The following TBC1D4 variants were observed in gnomAD, a reference collection of about 807,000 sequenced individuals.
The protein encoded by TBC1D4 is TBC1 domain family member 4.
TBC1D4 carries 121 observed loss-of-function variants against 142.5 expected under a neutral mutation model. The ratio of observed to expected loss-of-function variants is 0.85; its 90% CI spans 0.73 to 0.99. The LOEUF is 0.99. TBC1D4 is among the 50% of genes least tolerant of loss of function. The pLI, the probability that TBC1D4 is intolerant of heterozygous loss-of-function variation, is 0.00. For synonymous variants in TBC1D4, 630 were observed against 628.2 expected (o/e 1.00, Z -0.04); for missense variants, 1,475 against 1,606.6 (o/e 0.92, Z 1.40).
intron 1 of TBC1D4, among the ~76,000 whole-genome samples, chr13:75,365,837 T>A (rs756234441): frequency 5.3e-5 from 8 of 152,178 alleles, no homozygotes; most frequent in Admixed American, 2.0e-4. Flanking sequence ...CTTGAATGAA[T>A]GCTGACAGCA....
chr13:75,310,852 T>C (rs1234875242), intron 13 of TBC1D4, among the ~76,000 whole-genome samples: 2 of 152,156 alleles, frequency 1.3e-5, no homozygotes, highest in African/African-American at 4.8e-5. Context: ...CTTCTTTGTT[T>C]CTATGTGTAC....
chr13:75,419,287 G>C (rs975816988), intron 1 of TBC1D4, among the ~76,000 whole-genome samples: 40 of 152,094 alleles, frequency 2.6e-4, no homozygotes, highest in Non-Finnish European at 5.1e-4. Context: ...CCTCTCTACC[G>C]TTCTGCCTCT....
intron 1 of TBC1D4, among the ~76,000 whole-genome samples, chr13:75,421,264 A>G (rs1886156036): frequency 2.0e-5 from 3 of 152,152 alleles, no homozygotes; most frequent in Admixed American, 6.5e-5. Context: ...CCCTTTGGCC[A>G]CGTACAATCT....
intron 1 of TBC1D4, among the ~76,000 whole-genome samples, chr13:75,419,841 G>A (rs1292984485): frequency 2.0e-5 from 3 of 152,190 alleles, no homozygotes; most frequent in African/African-American, 7.2e-5. Context: ...CTCTCATCAG[G>A]GGTGATAGGA....
At chr13:75,472,924 G>A (rs1888475648) in intron 1 of TBC1D4, among the ~76,000 whole-genome samples, 2 of 152,212 alleles carry the variant, frequency 1.3e-5, no homozygotes, top group Non-Finnish European at 2.9e-5. Context: ...GGAATTAAAT[G>A]ACTGAAACCA....
intron 4 of TBC1D4, among the ~76,000 whole-genome samples, chr13:75,352,689 T>C (rs976375715): frequency 6.6e-6 from 1 of 152,164 alleles, no homozygotes; most frequent in Non-Finnish European, 1.5e-5. Flanking sequence ...GAATTGATCA[T>C]CTAAATTTCC....
chr13:75,387,403 T>C (rs563245657), intron 1 of TBC1D4, among the ~76,000 whole-genome samples: 5 of 152,238 alleles, frequency 3.3e-5, no homozygotes, highest in Admixed American at 6.5e-5. Context: ...TCTGAAACTA[T>C]ATCAGTGAAC....
rs1207493388 is a variant in TBC1D4 at position 75,384,577 on chromosome 13, C to CT, written c.499-21971dup. 1.4e-3 allele frequency among the ~76,000 whole-genome samples: 185 copies of CT among 135,488 alleles called. 1 individual carries two copies. Among genetic ancestry groups the CT allele is most frequent in the African/African-American group, 4.7e-3 (169 of 36,086 alleles). 88.9% of individuals were successfully genotyped at this position (135,488 alleles called of 152,430 possible). On this transcript the variant is annotated intron_variant, in intron 1 of 20. Coordinates refer to ENST00000377636, the MANE Select transcript of TBC1D4 (RefSeq NM_014832.5). ...AAGATAAAGGAAAAAAAAAAAGTTTCTTTAAAAAAAAAAAAAAGGTTGCCA... is the reference window on the plus strand; with the variant it reads ...AAGATAAAGGAAAAAAAAAAAGTTTCTTTTAAAAAAAAAAAAAAGGTTGCCA...
intron 1 of TBC1D4, among the ~76,000 whole-genome samples, chr13:75,405,269 C>CTTTTTTTT (rs5804811): frequency 7.9e-6 from 1 of 126,916 alleles, no homozygotes; most frequent in Admixed American, 8.9e-5. Context: ...TGTATATATG[C>CTTTTTTTT]TTTTTTTTTT....
In TBC1D4 at chr13:75,286,801, A is replaced by G. The variant is rs370732573; in HGVS notation, c.3888T>C (p.Asn1296=). 6.2e-7 allele frequency: 1 copy of G among 1,613,418 alleles called. No individual in the cohort carries two copies. Among genetic ancestry groups the G allele is most frequent in the Non-Finnish European group, 8.5e-7 (1 of 1,179,820 alleles). The change falls in exon 21 of 21, where the codon AAT becomes AAC. Residue 1296 remains asparagine, a synonymous_variant. Coordinates refer to ENST00000377636, the MANE Select transcript of TBC1D4 (RefSeq NM_014832.5). The part of the protein sequence containing the change: ...CNPNNKAKIG[N]KP ...GGCCGTGCCTCTTCAATTATGGCTT[A>G]TTTCCTATCTTGGCTTTGTTGTTAG...
Position 75,326,447 on chromosome 13 carries a change from C to A in TBC1D4, c.1807-24G>T, listed in dbSNP as rs776426027. The A allele has an allele frequency of 1.9e-5, 31 of 1,612,340 alleles. 1 individual carries two copies. In the East Asian group the frequency reaches 6.5e-4, roughly 34 times the overall value. ...TCCTGAAACACAAGCGGAAGGGAGCCCTTTATTTCCCACGTGGGTCATGGC... is the reference window on the plus strand; with the variant it reads ...TCCTGAAACACAAGCGGAAGGGAGCACTTTATTTCCCACGTGGGTCATGGC... On this transcript the variant is annotated intron_variant, in intron 9 of 20. Transcript: ENST00000377636.
At chr13:75,401,698 G>C (rs546272115) in intron 1 of TBC1D4, among the ~76,000 whole-genome samples, 1 of 152,088 alleles carries the variant, frequency 6.6e-6, no homozygotes, top group African/African-American at 2.4e-5. Context: ...AGATGCTTTG[G>C]GGTTGATTTT....
intron 4 of TBC1D4, among the ~76,000 whole-genome samples, chr13:75,354,871 A>T (rs914739659): frequency 6.6e-6 from 1 of 152,146 alleles, no homozygotes; most frequent in African/African-American, 2.4e-5. Context: ...GGACAATCTC[A>T]AATTTCTATC....
chr13:75,292,107 T>A lies in TBC1D4; in HGVS notation c.3481A>T (p.Thr1161Ser), dbSNP rs748145711. ...MNTSEMEKIITQVFEMDISKQ... is the reference protein window; with the variant it reads ...MNTSEMEKIISQVFEMDISKQ... ...TATTAGCATTTAAATCATACCTGGG[T>A]AATAATTTTTTCCATTTCAGAGGTA... The change falls in exon 19 of 21, where the codon ACC becomes TCC. Residue 1161 changes from threonine to serine, a missense_variant. Physicochemically the swap from Thr to Ser is moderately conservative, Grantham distance 58. Coordinates refer to ENST00000377636, the MANE Select transcript of TBC1D4 (RefSeq NM_014832.5). 2 of 1,609,760 alleles carry A rather than the reference T, an allele frequency of 1.2e-6. No homozygotes were observed. The highest frequency in any genetic ancestry group is 2.2e-5 in the South Asian group (2 of 90,848).
Position 75,291,517 on chromosome 13 carries a change from G to A in TBC1D4, c.3486+585C>T, listed in dbSNP as rs74435365. Reference sequence around the variant, plus strand: ...AGATGGTTCCTTCATTTGAATCATCGGAGGGAGAATGTTTCCTGTAGGGAC... The same window carrying A: ...AGATGGTTCCTTCATTTGAATCATCAGAGGGAGAATGTTTCCTGTAGGGAC... On this transcript the variant is annotated intron_variant, in intron 19 of 20. Transcript: ENST00000377636. 6.2e-4 allele frequency among the ~76,000 whole-genome samples: 95 copies of A among 152,244 alleles called. 1 individual carries two copies. The East Asian group carries it at 0.015, about 24-fold the overall frequency.
At chr13:75,304,943 T>C (rs1877014816) in intron 15 of TBC1D4, among the ~76,000 whole-genome samples, 1 of 152,186 alleles carries the variant, frequency 6.6e-6, no homozygotes, top group Non-Finnish European at 1.5e-5. Flanking sequence ...GTAGATATTA[T>C]AGAACAATGG....
intron 1 of TBC1D4, among the ~76,000 whole-genome samples, chr13:75,388,401 T>A (rs552104223): frequency 6.6e-6 from 1 of 152,302 alleles, no homozygotes; most frequent in South Asian, 2.1e-4. Flanking sequence ...GGTATGCCAT[T>A]CCCATTTTCT....
chr13:75,307,310 G>A lies in TBC1D4; in HGVS notation c.2594-839C>T, dbSNP rs1277039849. On this transcript the variant is annotated intron_variant, in intron 14 of 20. Coordinates refer to ENST00000377636, the MANE Select transcript of TBC1D4 (RefSeq NM_014832.5). The stretch of plus-strand genomic sequence containing the variant: ...CTTAAAAAGAAAAATTCCTTTCACT[G>A]AAGTTAACACTAATTCTATTTTTAA... 2.0e-5 allele frequency among the ~76,000 whole-genome samples: 3 copies of A among 152,256 alleles called. No individual in the cohort carries two copies. The East Asian group carries it at 5.8e-4, about 29-fold the overall frequency.
At chr13:75,339,280 G>T (rs1469843746) in intron 7 of TBC1D4, among the ~76,000 whole-genome samples, 1 of 146,944 alleles carries the variant, frequency 6.8e-6, no homozygotes, top group Non-Finnish European at 1.5e-5. Flanking sequence ...CCCAACTGGA[G>T]AATATGACTT....
Sources: allele counts gnomAD v4.1 joint callset (sites outside exome capture counted in the v4.1 genomes callset), GRCh38; gene constraint gnomAD v4.1.1; transcripts MANE v1.5; gene names NCBI Gene and HGNC (gene_info 2026-07-23, HGNC 2026-07-21).